Variants in EDAR observed in about 807,000 individuals in gnomAD.
The protein encoded by EDAR is ectodysplasin A receptor.
Under a neutral mutation model 51.3 loss-of-function variants are expected in EDAR, and 38 were observed. The observed-to-expected ratio is 0.74, with a 90% CI of 0.57 to 0.97. EDAR has a LOEUF of 0.97. Ranked by LOEUF, EDAR falls within the 50% of genes least tolerant of loss-of-function variation. The pLI, the probability that EDAR is intolerant of heterozygous loss-of-function variation, is 0.00. For missense variants in EDAR, 528 were observed against 595.0 expected (o/e 0.89, Z 1.17); for synonymous variants, 227 against 242.1 (o/e 0.94, Z 0.58).
chr2:108,930,003 C>T (rs930071684), intron 3 of EDAR, 117 bp downstream of exon 3: 1 of 1,295,780 alleles, frequency 7.7e-7, no homozygotes, highest in Non-Finnish European at 1.1e-6. Flanking sequence ...GCGTGACCGG[C>T]TGGTTTGATA....
intron 1 of EDAR, among the ~76,000 whole-genome samples, chr2:108,954,169 A>G (rs976011612): frequency 6.6e-6 from 1 of 152,140 alleles, no homozygotes; most frequent in Non-Finnish European, 1.5e-5. Context: ...AGTTATGGCA[A>G]CCTAGATAGC....
Position 108,930,370 on chromosome 2 carries a change from G to C in EDAR, c.52-128C>G, listed in dbSNP as rs1036156448. The stretch of plus-strand genomic sequence containing the variant: ...GGGGCTCTGCTGGGGGCTCGGTCTG[G>C]GAAGGTGCCCGCTTGTGAGTGCTCA... On this transcript the variant is annotated intron_variant, in intron 2 of 11. Coordinates refer to ENST00000258443, the MANE Select transcript of EDAR (RefSeq NM_022336.4). The C allele has an allele frequency of 7.4e-5, 73 of 987,994 alleles. 1 individual carries two copies. Among genetic ancestry groups the C allele is most frequent in the Non-Finnish European group, 8.8e-5 (56 of 634,582 alleles). 61.2% of individuals were successfully genotyped at this position (987,994 alleles called of 1,614,324 possible).
At chr2:108,912,323 G>A (rs1464789626) in intron 6 of EDAR, among the ~76,000 whole-genome samples, 1 of 152,172 alleles carries the variant, frequency 6.6e-6, no homozygotes, top group Non-Finnish European at 1.5e-5. Flanking sequence ...ATGTTTATAT[G>A]AAAACCAGTG....
At chr2:108,966,219 CCTGT>C (rs1331318002) in intron 1 of EDAR, among the ~76,000 whole-genome samples, 1 of 152,188 alleles carries the variant, frequency 6.6e-6, no homozygotes, top group Non-Finnish European at 1.5e-5. Context: ...AATGCAAAGA[CCTGT>C]CTGCCTTGCA....
At chr2:108,922,098 C>CT (rs1182338144) in intron 5 of EDAR, among the ~76,000 whole-genome samples, 1 of 152,258 alleles carries the variant, frequency 6.6e-6, no homozygotes, top group Admixed American at 6.5e-5. Context: ...TCTGCTCTGG[C>CT]TGCCAGACAT....
intron 1 of EDAR, among the ~76,000 whole-genome samples, chr2:108,952,994 GTTTAA>G (rs1285181125): frequency 6.6e-6 from 1 of 152,082 alleles, no homozygotes; most frequent in African/African-American, 2.4e-5. Context: ...TTTAAAAAAC[GTTTAA>G]TTTTTGTGTG....
At chr2:108,965,371 C>T (rs1698129303) in intron 1 of EDAR, among the ~76,000 whole-genome samples, 1 of 151,490 alleles carries the variant, frequency 6.6e-6, no homozygotes, top group South Asian at 2.1e-4. Context: ...GTCCCAGCTA[C>T]TCGGGAGGCT....
At chr2:108,968,173 G>A (rs1269181432) in intron 1 of EDAR, among the ~76,000 whole-genome samples, 1 of 152,142 alleles carries the variant, frequency 6.6e-6, no homozygotes, top group Non-Finnish European at 1.5e-5. Context: ...AGTGGAAACT[G>A]TCTCTTCTCA....
At chr2:108,915,393 T>C (rs528249443) in intron 5 of EDAR, among the ~76,000 whole-genome samples, 46 of 152,282 alleles carry the variant, frequency 3.0e-4, no homozygotes, top group African/African-American at 9.9e-4. Context: ...AATTGGAAGC[T>C]TGGCCAATGA....
intron 1 of EDAR, among the ~76,000 whole-genome samples, chr2:108,942,671 G>A (rs992910366): frequency 6.6e-6 from 1 of 152,258 alleles, no homozygotes; most frequent in Non-Finnish European, 1.5e-5. Context: ...GACGGCGGGA[G>A]CCCTGCGGTT....
intron 11 of EDAR, among the ~76,000 whole-genome samples, chr2:108,897,758 A>G (rs1696627058): frequency 6.6e-6 from 1 of 152,208 alleles, no homozygotes; most frequent in Admixed American, 6.5e-5. Context: ...CTCACCTAGG[A>G]GCATTTAAAA....
At position 108,907,852 on chromosome 2, in the gene EDAR, A is replaced by T. The variant is rs1301718828; in HGVS notation, c.963+8T>A. The T allele has an allele frequency of 6.2e-7, 1 of 1,613,338 alleles. No individual in the cohort carries two copies. The highest frequency in any genetic ancestry group is 1.7e-5 in the Admixed American group (1 of 60,002). On this transcript the variant is annotated splice_region_variant and intron_variant, in intron 10 of 11. Coordinates refer to ENST00000258443, the MANE Select transcript of EDAR (RefSeq NM_022336.4). ...CACAGCTCATCATGGCACCTGCAGG[A>T]GCCTCACCCCGGCTGACTTGTTGCT...
chr2:108,948,265 T>C (rs1010828343), intron 1 of EDAR, among the ~76,000 whole-genome samples: 1 of 152,232 alleles, frequency 6.6e-6, no homozygotes, highest in African/African-American at 2.4e-5. Context: ...CATATCACTA[T>C]TGGCATTTTG....
chr2:108,957,487 C>T (rs909583688), intron 1 of EDAR, among the ~76,000 whole-genome samples: 2 of 152,138 alleles, frequency 1.3e-5, no homozygotes, highest in African/African-American at 4.8e-5. Flanking sequence ...CTCATGGAGG[C>T]CCCCCAGGGG....
At chr2:108,952,983 T>C (rs1697853318) in intron 1 of EDAR, among the ~76,000 whole-genome samples, 1 of 152,204 alleles carries the variant, frequency 6.6e-6, no homozygotes, top group Non-Finnish European at 1.5e-5. Flanking sequence ...TCTGAGGTCT[T>C]TTTAAAAAAC....
At chr2:108,954,233 A>G (rs1052666073) in intron 1 of EDAR, among the ~76,000 whole-genome samples, 1 of 152,154 alleles carries the variant, frequency 6.6e-6, no homozygotes, top group African/African-American at 2.4e-5. Flanking sequence ...AGAACTGGAG[A>G]TCCTGTTCCG....
rs967646109 is a variant in EDAR at position 108,956,784 on chromosome 2, CT to C, written c.-18-25753del. On this transcript the variant is annotated intron_variant, in intron 1 of 11. Coordinates refer to ENST00000258443, the MANE Select transcript of EDAR (RefSeq NM_022336.4). Reference sequence around the variant, plus strand: ...GCTCAGCAGGAAAGGCGAAAGCTCTCTTTTTTTTTTTGTTTTTTTTGAGACA... The same window carrying C: ...GCTCAGCAGGAAAGGCGAAAGCTCTCTTTTTTTTTTGTTTTTTTTGAGACA... Among the ~76,000 whole-genome samples, 67 of 123,468 alleles carry C rather than the reference CT, an allele frequency of 5.4e-4. No homozygotes were observed. In the Middle Eastern group the frequency reaches 0.011, roughly 21 times the overall value. 81.0% of individuals were successfully genotyped at this position (123,468 alleles called of 152,430 possible).
intron 1 of EDAR, among the ~76,000 whole-genome samples, chr2:108,982,592 C>T (rs1057324432): frequency 1.3e-5 from 2 of 152,214 alleles, no homozygotes; most frequent in Non-Finnish European, 1.5e-5. Flanking sequence ...TATTCTCCAG[C>T]GCCATTTCCC....
intron 6 of EDAR, among the ~76,000 whole-genome samples, 188 bp downstream of exon 6, chr2:108,912,490 C>G (rs1221342906): frequency 6.6e-6 from 1 of 152,174 alleles, no homozygotes; most frequent in Non-Finnish European, 1.5e-5. Context: ...ATAGAGGGAT[C>G]AACTCTGATT....
Sources: gnomAD v4.1 joint callset for allele counts (sites outside exome capture counted in the v4.1 genomes callset) on GRCh38, gnomAD v4.1.1 for gene constraint, MANE v1.5 for transcripts, NCBI Gene and HGNC (gene_info 2026-07-23, HGNC 2026-07-21) for gene names.